Variants in C1orf198 observed in about 807,000 individuals in gnomAD.
C1orf198 encodes chromosome 1 open reading frame 198, also known as uncharacterized protein C1orf198.
C1orf198 carries 17 observed loss-of-function variants against 31.4 expected under a neutral mutation model. The observed-to-expected ratio is 0.54, with a 90% confidence interval of 0.37 to 0.81. The LOEUF (loss-of-function observed/expected upper bound fraction) is 0.81, where lower values mean the gene tolerates loss of function less well. Among genes scored for constraint, C1orf198 ranks in the 40% least tolerant of loss-of-function variants. The pLI is 0.00. For missense variants in C1orf198, 401 were observed against 450.3 expected (o/e 0.89, Z 0.99); for synonymous variants, 175 against 193.8 (o/e 0.90, Z 0.81).
rs116405720 is a variant in C1orf198 at position 230,853,347 on chromosome 1, A to C, written c.384+2321T>G. On this transcript the variant is annotated intron_variant, in intron 2 of 3. Coordinates refer to ENST00000366663, the MANE Select transcript of C1orf198 (RefSeq NM_032800.3). ...TTGGAGATTAGGGGGTCCTACCTTCACTAAAGCCACCTCCTGTTTGTGGCT... is the reference window on the plus strand; with the variant it reads ...TTGGAGATTAGGGGGTCCTACCTTCCCTAAAGCCACCTCCTGTTTGTGGCT... 5.5e-3 allele frequency among the ~76,000 whole-genome samples: 832 copies of C among 152,228 alleles called. 8 individuals are homozygous for C. Among genetic ancestry groups the C allele is most frequent in the African/African-American group, 0.018 (736 of 41,548 alleles).
chr1:230,855,781 C>T lies in C1orf198; in HGVS notation c.334-63G>A, dbSNP rs569941473. ...CCCAGACATACCCCATGCAAATATCCACCCAGGACCGTGGGGGAACCAAAA... is the reference window on the plus strand; with the variant it reads ...CCCAGACATACCCCATGCAAATATCTACCCAGGACCGTGGGGGAACCAAAA... On this transcript the variant is annotated intron_variant, in intron 1 of 3. Transcript: ENST00000366663. 7 of 1,580,844 alleles carry T rather than the reference C, an allele frequency of 4.4e-6. No homozygotes were observed. In the South Asian group the frequency reaches 8.1e-5, roughly 18 times the overall value.
intron 1 of C1orf198, among the ~76,000 whole-genome samples, chr1:230,866,545 C>T (rs911908866): frequency 6.6e-6 from 1 of 152,208 alleles, no homozygotes; most frequent in African/African-American, 2.4e-5. Flanking sequence ...CCACATTCTT[C>T]CTTGTCAGTA....
At chr1:230,855,794 G>A in intron 1 of C1orf198, 76 bp from the exon 2 acceptor site, 1 of 1,557,942 alleles carries the variant, frequency 6.4e-7, no homozygotes, top group Non-Finnish European at 8.7e-7. Flanking sequence ...CCAGGACCGT[G>A]GGGGAACCAA....
At chr1:230,856,860 A>C (rs1481876317) in intron 1 of C1orf198, among the ~76,000 whole-genome samples, 1 of 152,188 alleles carries the variant, frequency 6.6e-6, no homozygotes, top group Non-Finnish European at 1.5e-5. Flanking sequence ...CTTCCCACCC[A>C]TAGGTACACC....
chr1:230,863,709 A>T lies in C1orf198; in HGVS notation c.333+4471T>A, dbSNP rs555737206. The stretch of plus-strand genomic sequence containing the variant: ...ACTCAGGGCAGAGAACCCACAACAT[A>T]AAAGGGAAGCTCACAGAACAGGCCC... On this transcript the variant is annotated intron_variant, in intron 1 of 3. Coordinates refer to ENST00000366663, the MANE Select transcript of C1orf198 (RefSeq NM_032800.3). Among the ~76,000 whole-genome samples the T allele has an allele frequency of 1.3e-3, 203 of 152,262 alleles. 1 individual carries two copies. The Middle Eastern group carries it at 0.017, about 13-fold the overall frequency.
In C1orf198 at chr1:230,839,047, A is replaced by G. The variant is rs1439495002; in HGVS notation, c.*805T>C. 1.3e-5 allele frequency: 2 copies of G among 152,564 alleles called. No individual in the cohort carries two copies. Among genetic ancestry groups the G allele is most frequent in the African/African-American group, 4.8e-5 (2 of 41,460 alleles). The allele number at this position is 152,564 out of a possible 1,614,324, so 9.5% of individuals were successfully genotyped here. A position where few individuals can be genotyped will look rare whatever the true frequency, so the allele number is the denominator to read the frequency against. On this transcript the variant is annotated 3_prime_UTR_variant, in exon 4 of 4. Coordinates refer to ENST00000366663, the MANE Select transcript of C1orf198 (RefSeq NM_032800.3). ...CTCCTGTAGGTGCCCAGTCCGGGGA[A>G]CAACCAACAGGTCACATAAGCAACA...
intron 1 of C1orf198, among the ~76,000 whole-genome samples, chr1:230,858,855 T>C (rs551918960): frequency 1.3e-5 from 2 of 152,216 alleles, no homozygotes; most frequent in African/African-American, 4.8e-5. Flanking sequence ...AACGAAGACT[T>C]AGCCCAGAGC....
At chr1:230,855,970 C>A (rs1301125380) in intron 1 of C1orf198, 9 of 1,293,678 alleles carry the variant, frequency 7.0e-6, no homozygotes, top group Admixed American at 3.5e-5. Flanking sequence ...GCCGGTGAGG[C>A]CCCCCAATGG....
At chr1:230,841,303 G>C (rs1178783099) in intron 3 of C1orf198, among the ~76,000 whole-genome samples, 1 of 152,190 alleles carries the variant, frequency 6.6e-6, no homozygotes, top group African/African-American at 2.4e-5. Context: ...GTGGAGCCGA[G>C]GTGGGCAGAA....
intron 1 of C1orf198, among the ~76,000 whole-genome samples, chr1:230,859,065 A>C (rs1204049791): frequency 1.3e-5 from 2 of 152,174 alleles, no homozygotes; most frequent in Admixed American, 6.5e-5. Context: ...AAAAACAATA[A>C]AGTGCTTAAC....
At position 230,857,654 on chromosome 1, in the gene C1orf198, A is replaced by T. The variant is rs1669906361; in HGVS notation, c.334-1936T>A. Among the ~76,000 whole-genome samples the T allele has an allele frequency of 1.3e-5, 2 of 152,196 alleles. No homozygotes were observed. Among genetic ancestry groups the T allele is most frequent in the Non-Finnish European group, 2.9e-5 (2 of 68,032 alleles). On this transcript the variant is annotated intron_variant, in intron 1 of 3. Coordinates refer to ENST00000366663, the MANE Select transcript of C1orf198 (RefSeq NM_032800.3). This position sits in a 1 kb window ranked among gnomAD's most constrained non-coding sequence, Gnocchi z 4.2. The stretch of plus-strand genomic sequence containing the variant: ...AGAGCAAGGAAAACCCAGAGAGGAG[A>T]CTGTCAAAAGGCCAGAATCCAGGTC...
intron 3 of C1orf198, among the ~76,000 whole-genome samples, chr1:230,842,130 G>A (rs2102971578): frequency 6.6e-6 from 1 of 152,326 alleles, no homozygotes; most frequent in African/African-American, 2.4e-5. Context: ...AGCTTGCGGG[G>A]AGGGATGAAT....
chr1:230,843,520 G>C lies in C1orf198; in HGVS notation c.761C>G (p.Pro254Arg). Residue 254 changes from proline (P) to arginine (R), a missense_variant, in exon 3 of 4, where the codon CCT becomes CGT. Physicochemically the swap from Pro to Arg is moderately radical, Grantham distance 103. Transcript: ENST00000366663. This position sits in a 1 kb window ranked among gnomAD's most constrained non-coding sequence, Gnocchi z 4.9. ...RPSTLRQEQR[P>R]LPNVSTERER... ...ACGTTCGGTGCTCACGTTGGGAAGA[G>C]GACGCTGCTCCTGACGGAGGGTGCT... The C allele has an allele frequency of 1.9e-6, 3 of 1,612,240 alleles. No individual in the cohort carries two copies. The highest frequency in any genetic ancestry group is 2.5e-6 in the Non-Finnish European group (3 of 1,178,750).
Position 230,843,975 on chromosome 1 carries a change from A to C in C1orf198, c.385-79T>G, listed in dbSNP as rs1017531219. 90 of 1,398,170 alleles carry C rather than the reference A, an allele frequency of 6.4e-5. No homozygotes were observed. The highest frequency in any genetic ancestry group is 4.7e-4 in the East Asian group (20 of 42,584). The allele number at this position is 1,398,170 out of a possible 1,614,324, so 86.6% of individuals were successfully genotyped here. ...CCGTCACAAGTGTGCCAGCTCACGCACCCCTCCTCAGCATAAGGACGCACA... is the reference window on the plus strand; with the variant it reads ...CCGTCACAAGTGTGCCAGCTCACGCCCCCCTCCTCAGCATAAGGACGCACA... On this transcript the variant is annotated intron_variant, in intron 2 of 3. Coordinates refer to ENST00000366663, the MANE Select transcript of C1orf198 (RefSeq NM_032800.3). This position sits in a 1 kb window ranked among gnomAD's most constrained non-coding sequence, Gnocchi z 4.9.
At chr1:230,859,705 A>G (rs1669966295) in intron 1 of C1orf198, among the ~76,000 whole-genome samples, 1 of 152,052 alleles carries the variant, frequency 6.6e-6, no homozygotes, top group South Asian at 2.1e-4. Context: ...AGCTCCAAGG[A>G]CTCCGGGATA....
intron 2 of C1orf198, among the ~76,000 whole-genome samples, chr1:230,845,500 T>C (rs1461888911): frequency 6.6e-6 from 1 of 152,056 alleles, no homozygotes; most frequent in East Asian, 1.9e-4. Flanking sequence ...CTGACCAACA[T>C]GGAGAAACCC....
chr1:230,855,222 G>A (rs751666050), intron 2 of C1orf198, among the ~76,000 whole-genome samples: 5 of 152,288 alleles, frequency 3.3e-5, no homozygotes, highest in South Asian at 2.1e-4. Flanking sequence ...GATCCACGTT[G>A]GGATGAATTA....
At chr1:230,867,173 A>G (rs1214047700) in intron 1 of C1orf198, among the ~76,000 whole-genome samples, 1 of 152,070 alleles carries the variant, frequency 6.6e-6, no homozygotes, top group Non-Finnish European at 1.5e-5. Flanking sequence ...TCATTCCTAC[A>G]CTCTTTGCTC....
At chr1:230,855,455 T>G (rs1244708911) in intron 2 of C1orf198, among the ~76,000 whole-genome samples, 2 of 152,202 alleles carry the variant, frequency 1.3e-5, no homozygotes, top group Non-Finnish European at 2.9e-5. Context: ...GCACTACTAC[T>G]TTGAACTCAC....
Sources: allele counts gnomAD v4.1 joint callset (sites outside exome capture counted in the v4.1 genomes callset), GRCh38; gene constraint gnomAD v4.1.1; non-coding constraint Gnocchi (gnomAD v3.1); transcripts MANE v1.5; gene names NCBI Gene and HGNC (gene_info 2026-07-23, HGNC 2026-07-21).